PMPCA: variants seen among roughly 807,000 people sequenced by gnomAD.
PMPCA encodes the protein peptidase, mitochondrial processing subunit alpha, also known as mitochondrial-processing peptidase subunit alpha.
A neutral mutation model predicts 59.3 loss-of-function variants in PMPCA; 47 were observed. That is an observed-to-expected ratio of 0.79 (90% CI 0.63 to 1.01). The LOEUF (loss-of-function observed/expected upper bound fraction) is 1.01. Among genes scored for constraint, PMPCA ranks in the 50% least tolerant of loss-of-function variants. PMPCA has a pLI of 0.00. For missense variants in PMPCA, 726 were observed against 704.5 expected (o/e 1.03, Z -0.34); for synonymous variants, 338 against 290.3 (o/e 1.16, Z -1.67).
At position 136,418,078 on chromosome 9, in the gene PMPCA, T is replaced by A; in HGVS notation, c.959T>A (p.Ile320Asn). Residue 320 changes from isoleucine (I) to asparagine (N), a missense_variant, in exon 8 of 13, where the codon ATC becomes AAC. By Grantham distance (149) the Ile-to-Asn change is moderately radical. Transcript: ENST00000371717. ...GPTPIPELTH[I>N]MVGLESCSFL... ...ACCCCCATCCCCGAGCTCACGCACATCATGGTTGGACTGGAGAGCTGCTCC... is the reference window on the plus strand; with the variant it reads ...ACCCCCATCCCCGAGCTCACGCACAACATGGTTGGACTGGAGAGCTGCTCC... 2 of 1,613,640 alleles carry A rather than the reference T, an allele frequency of 1.2e-6. No individual in the cohort carries two copies. The highest frequency in any genetic ancestry group is 1.7e-6 in the Non-Finnish European group (2 of 1,179,504).
intron 7 of PMPCA, among the ~76,000 whole-genome samples, chr9:136,417,749 C>T (rs1033926503): frequency 3.3e-5 from 5 of 151,968 alleles, no homozygotes; most frequent in Admixed American, 6.6e-5. Flanking sequence ...CCACCACGCC[C>T]AGCTTATATG....
chr9:136,418,483 C>G lies in PMPCA; in HGVS notation c.991-72C>G. On this transcript the variant is annotated intron_variant, in intron 8 of 12. Coordinates refer to ENST00000371717, the MANE Select transcript of PMPCA (RefSeq NM_015160.3). The stretch of plus-strand genomic sequence containing the variant: ...GGGCGACTCAGCCAGCTCTGCCCTC[C>G]GTCCCTGGCGTCTGACGGTGCTCCT... The G allele has an allele frequency of 3.2e-6, 3 of 941,860 alleles. No individual in the cohort carries two copies. The East Asian group carries it at 7.3e-5, about 23-fold the overall frequency. The allele number at this position is 941,860 out of a possible 1,614,324, so 58.3% of individuals were successfully genotyped here. A position where few individuals can be genotyped will look rare whatever the true frequency, so the allele number is the denominator to read the frequency against.
intron 8 of PMPCA, 125 bp from the exon 9 acceptor site, chr9:136,418,430 G>A (rs1387671233): frequency 1.4e-6 from 1 of 711,510 alleles, no homozygotes; most frequent in African/African-American, 1.8e-5. Flanking sequence ...TCCGTCCCTG[G>A]CGTCCAGCGG....
At chr9:136,416,692 A>G (rs1227152366) in intron 6 of PMPCA, 4 of 589,502 alleles carry the variant, frequency 6.8e-6, no homozygotes, top group East Asian at 2.8e-5. Flanking sequence ...CAATGTTCGT[A>G]TTTTCCAGTT....
At chr9:136,423,021 G>C in intron 12 of PMPCA, 74 bp from the exon 13 acceptor site, 1 of 1,514,540 alleles carries the variant, frequency 6.6e-7, no homozygotes, top group East Asian at 2.4e-5. Context: ...CGCCCCCTCC[G>C]TGTGTTTACT....
Position 136,416,296 on chromosome 9 carries a change from G to A in PMPCA, c.538G>A (p.Glu180Lys). ...VVLQPRLTDEEVEMTRMAVQF... is the reference protein window; with the variant it reads ...VVLQPRLTDEKVEMTRMAVQF... Reference sequence around the variant, plus strand: ...GCCTTTGGGTTCTCTTGCAGATGAAGAAGTCGAGATGACGCGGATGGCGGT... The same window carrying A: ...GCCTTTGGGTTCTCTTGCAGATGAAAAAGTCGAGATGACGCGGATGGCGGT... The change falls in exon 6 of 13, where the codon GAA becomes AAA. Residue 180 changes from glutamate (E) to lysine (K), a missense_variant. Physicochemically the swap from Glu to Lys is moderately conservative, Grantham distance 56. Transcript: ENST00000371717. The A allele has an allele frequency of 6.2e-7, 1 of 1,612,934 alleles. No homozygotes were observed. The highest frequency in any genetic ancestry group is 8.5e-7 in the Non-Finnish European group (1 of 1,179,288).
rs758991221 is a variant in PMPCA, at chr9:136,412,401, A to G, written c.275-89A>G. 4 of 779,594 alleles carry G rather than the reference A, an allele frequency of 5.1e-6. No homozygotes were observed. In the African/African-American group the frequency reaches 5.2e-5, roughly 10 times the overall value. The allele number at this position is 779,594 out of a possible 1,614,324, so 48.3% of individuals were successfully genotyped here. On this transcript the variant is annotated intron_variant, in intron 2 of 12. Coordinates refer to ENST00000371717, the MANE Select transcript of PMPCA (RefSeq NM_015160.3). Reference sequence around the variant, plus strand: ...CCTCATGTAATTAAATCTGATTATCATGTCATATTGACATCTTAAAATGTT... The same window carrying G: ...CCTCATGTAATTAAATCTGATTATCGTGTCATATTGACATCTTAAAATGTT...
chr9:136,422,517 G>A (rs1029583137), intron 12 of PMPCA: 91 of 1,025,166 alleles, frequency 8.9e-5, no homozygotes, highest in Admixed American at 1.6e-4. Context: ...GGTGGCTCGG[G>A]CTTATGGTGT....
intron 7 of PMPCA, 114 bp from the exon 8 acceptor site, chr9:136,417,903 G>C: frequency 1.3e-6 from 1 of 798,412 alleles, no homozygotes; most frequent in East Asian, 2.5e-5. Flanking sequence ...ATGAGCCACT[G>C]TGCCTGGCTG....
intron 12 of PMPCA, chr9:136,422,817 G>C: frequency 8.1e-7 from 1 of 1,235,256 alleles, no homozygotes; most frequent in Non-Finnish European, 1.0e-6. Flanking sequence ...CATCAGACAC[G>C]GAGCTCGCTC....
intron 7 of PMPCA, 140 bp downstream of exon 7, chr9:136,417,354 CA>C: frequency 1.6e-6 from 1 of 628,354 alleles, no homozygotes; most frequent in East Asian, 2.8e-5. Context: ...GCTGTAGTCC[CA>C]CAGCAGGGCA....
Position 136,413,962 on chromosome 9 carries a change from C to T in PMPCA, c.438-591C>T, listed in dbSNP as rs1835203310. ...CTTGATCACACTTGATCTCAGAGCA[C>T]CCCATGATTTCGTGCCTGTCCCATG... is the stretch of plus-strand genomic sequence containing the variant. On this transcript the variant is annotated intron_variant, in intron 4 of 12. Transcript: ENST00000371717. Among the ~76,000 whole-genome samples, 3 of 152,210 alleles carry T rather than the reference C, an allele frequency of 2.0e-5. No individual in the cohort carries two copies. The South Asian group carries it at 6.2e-4, about 32-fold the overall frequency.
chr9:136,411,246 C>T (rs1835100466), intron 1 of PMPCA: 1 of 154,740 alleles, frequency 6.5e-6, no homozygotes, highest in African/African-American at 2.4e-5. Context: ...ACAGGCGTCG[C>T]CCCTCCCCAC....
At position 136,419,427 on chromosome 9, in the gene PMPCA, T is replaced by C. The variant is rs1835384280; in HGVS notation, c.1263+321T>C. On this transcript the variant is annotated intron_variant, in intron 11 of 12. Transcript: ENST00000371717. Reference sequence around the variant, plus strand: ...GGACTGACCATGTGACTCTCTCAGCTTTGCTGGCGAAACGCTGCAGGAGTT... The same window carrying C: ...GGACTGACCATGTGACTCTCTCAGCCTTGCTGGCGAAACGCTGCAGGAGTT... 6.2e-6 allele frequency: 3 copies of C among 484,018 alleles called. No homozygotes were observed. In the East Asian group the frequency reaches 1.1e-4, roughly 18 times the overall value. The allele number at this position is 484,018 out of a possible 1,614,324, so 30.0% of individuals were successfully genotyped here. A position where few individuals can be genotyped will look rare whatever the true frequency, so the allele number is the denominator to read the frequency against.
intron 10 of PMPCA, 48 bp downstream of exon 10, chr9:136,418,966 C>G (rs1564423985): frequency 6.2e-7 from 1 of 1,600,262 alleles, no homozygotes; most frequent in Non-Finnish European, 8.6e-7. Context: ...CCTGTCCAGA[C>G]CTGGGCGTCC....
intron 4 of PMPCA, 102 bp from the exon 5 acceptor site, chr9:136,414,451 G>T (rs976670736): frequency 1.4e-5 from 11 of 775,762 alleles, no homozygotes; most frequent in Non-Finnish European, 2.5e-5. Context: ...TGAGCTCAGG[G>T]CCTGGCATTG....
chr9:136,416,511 ATTT>A, intron 6 of PMPCA, 120 bp downstream of exon 6: 1 of 763,978 alleles, frequency 1.3e-6, no homozygotes, highest in South Asian at 1.4e-5. Flanking sequence ...TATACAGAAC[ATTT>A]TTTTGTTTTT....
At position 136,414,308 on chromosome 9, in the gene PMPCA, C is replaced by T. The variant is rs150556339; in HGVS notation, c.438-245C>T. Among the ~76,000 whole-genome samples the T allele has an allele frequency of 3.0e-4, 45 of 152,304 alleles. No homozygotes were observed. The East Asian group carries it at 4.8e-3, about 16-fold the overall frequency. On this transcript the variant is annotated intron_variant, in intron 4 of 12. Coordinates refer to ENST00000371717, the MANE Select transcript of PMPCA (RefSeq NM_015160.3). ...AGAAAGGGGAAAAGTGTCTGCTGTT[C>T]CCCGATGAAGGGTAGGAGGTGTCCC... is the stretch of plus-strand genomic sequence containing the variant.
intron 11 of PMPCA, chr9:136,419,918 T>C (rs1428204016): frequency 6.6e-6 from 1 of 152,156 alleles, no homozygotes; most frequent in East Asian, 1.9e-4. Flanking sequence ...TAGTTTTTGA[T>C]GCTTTACACA....
Sources: allele counts gnomAD v4.1 joint callset (sites outside exome capture counted in the v4.1 genomes callset), GRCh38; gene constraint gnomAD v4.1.1; transcripts MANE v1.5; gene names NCBI Gene and HGNC (gene_info 2026-07-23, HGNC 2026-07-21).